The following CLVS2 variants were observed in gnomAD, a reference collection of about 807,000 sequenced individuals.
The protein encoded by CLVS2 is clavesin 2.
CLVS2 carries 19 observed loss-of-function variants against 29.0 expected under a neutral mutation model. The observed-to-expected ratio is 0.66, with a 90% confidence interval of 0.46 to 0.96. The LOEUF (loss-of-function observed/expected upper bound fraction) is 0.96. Among genes scored for constraint, CLVS2 ranks in the 40% least tolerant of loss-of-function variants. CLVS2 has a pLI of 0.00. For synonymous variants in CLVS2, 161 were observed against 151.3 expected, an observed-to-expected ratio of 1.06 and a Z score of -0.47; for missense variants, 294 against 404.1, an observed-to-expected ratio of 0.73 and a Z score of 2.34.
Position 123,067,228 on chromosome 6 carries a change from G to A in CLVS2, c.*3467G>A, listed in dbSNP as rs984383842. On this transcript the variant is annotated 3_prime_UTR_variant, in exon 6 of 6. Coordinates refer to ENST00000275162, the MANE Select transcript of CLVS2 (RefSeq NM_001010852.4). ...TGTGAAGCGTCTGTAATATTCCTGA[G>A]GGAAAAGAGGTCCCTCTATTGCATC... 1 of 151,644 alleles carries A rather than the reference G, an allele frequency of 6.6e-6. No homozygotes were observed. Among genetic ancestry groups the A allele is most frequent in the African/African-American group, 2.4e-5 (1 of 41,376 alleles). The allele number at this position is 151,644 out of a possible 1,614,324, so 9.4% of individuals were successfully genotyped here.
intron 3 of CLVS2, among the ~76,000 whole-genome samples, chr6:123,042,453 A>C (rs1044789787): frequency 6.6e-6 from 1 of 152,148 alleles, no homozygotes; most frequent in Admixed American, 6.5e-5. Flanking sequence ...GGGCAGCATG[A>C]GATTTTAATG....
intron 2 of CLVS2, among the ~76,000 whole-genome samples, chr6:123,005,706 C>A (rs541377319): frequency 1.3e-5 from 2 of 152,132 alleles, no homozygotes; most frequent in African/African-American, 4.8e-5. Flanking sequence ...GAAGAAGCTT[C>A]TCTGATCTAA....
intron 5 of CLVS2, among the ~76,000 whole-genome samples, chr6:123,058,343 T>C (rs1284555537): frequency 1.3e-5 from 2 of 152,150 alleles, no homozygotes; most frequent in African/African-American, 4.8e-5. Flanking sequence ...ACATAAGGAT[T>C]TGGAGGCAGC....
intron 5 of CLVS2, 54 bp downstream of exon 5, chr6:123,056,080 C>T (rs12192029): frequency 8.6e-7 from 1 of 1,169,446 alleles, no homozygotes; most frequent in South Asian, 1.3e-5. Context: ...GAGAGGCATC[C>T]TGAGTCAAAC....
At chr6:122,999,226 C>G (rs553513892) in intron 2 of CLVS2, among the ~76,000 whole-genome samples, 1 of 152,098 alleles carries the variant, frequency 6.6e-6, no homozygotes, top group Non-Finnish European at 1.5e-5. Context: ...CTGGAGCCAT[C>G]GTACAAGACA....
At position 123,070,570 on chromosome 6, in the gene CLVS2, C is replaced by T. The variant is rs78218466; in HGVS notation, c.*6809C>T. 1 of 152,066 alleles carries T rather than the reference C, an allele frequency of 6.6e-6. No homozygotes were observed. Among genetic ancestry groups the T allele is most frequent in the African/African-American group, 2.4e-5 (1 of 41,528 alleles). The allele number at this position is 152,066 out of a possible 1,614,324, so 9.4% of individuals were successfully genotyped here. Reference sequence around the variant, plus strand: ...AACTCAGACCATTTTGTTCTCCAAACCCTCTGAAAGAGTAAAAGCCGATGT... The same window carrying T: ...AACTCAGACCATTTTGTTCTCCAAATCCTCTGAAAGAGTAAAAGCCGATGT... On this transcript the variant is annotated 3_prime_UTR_variant, in exon 6 of 6. Coordinates refer to ENST00000275162, the MANE Select transcript of CLVS2 (RefSeq NM_001010852.4).
chr6:123,061,450 A>G (rs929082028), intron 5 of CLVS2, among the ~76,000 whole-genome samples: 2 of 152,206 alleles, frequency 1.3e-5, no homozygotes, highest in African/African-American at 4.8e-5. Flanking sequence ...ACTAAAAAAA[A>G]ATTGGACTAA....
chr6:123,010,758 A>G (rs1181214676), intron 2 of CLVS2, among the ~76,000 whole-genome samples: 1 of 152,068 alleles, frequency 6.6e-6, no homozygotes, highest in Non-Finnish European at 1.5e-5. Context: ...ATGATAAAAT[A>G]TGAAAAAGCG....
At chr6:123,032,271 C>G (rs981621148) in intron 3 of CLVS2, among the ~76,000 whole-genome samples, 2 of 152,024 alleles carry the variant, frequency 1.3e-5, no homozygotes, top group African/African-American at 4.8e-5. Context: ...TGTTTTTCCT[C>G]CAGTTATCTC....
At chr6:123,019,284 C>T (rs150389983) in intron 3 of CLVS2, among the ~76,000 whole-genome samples, 4 of 152,110 alleles carry the variant, frequency 2.6e-5, no homozygotes, top group Non-Finnish European at 5.9e-5. Flanking sequence ...ACAATGATGA[C>T]CCTCTAAAAT....
At chr6:123,033,922 C>T (rs116286590) in intron 3 of CLVS2, among the ~76,000 whole-genome samples, 29 of 152,126 alleles carry the variant, frequency 1.9e-4, no homozygotes, top group African/African-American at 6.7e-4. Context: ...AGACATTTCA[C>T]CAAGGAAGAG....
At chr6:123,058,220 C>T (rs1404996187) in intron 5 of CLVS2, among the ~76,000 whole-genome samples, 1 of 152,066 alleles carries the variant, frequency 6.6e-6, no homozygotes, top group Non-Finnish European at 1.5e-5. Flanking sequence ...GTTAGGTAGT[C>T]TATATATAGT....
rs557471350 is a variant in CLVS2, at chr6:123,067,866, T to G, written c.*4105T>G. 1 of 151,702 alleles carries G rather than the reference T, an allele frequency of 6.6e-6. No homozygotes were observed. The highest frequency in any genetic ancestry group is 1.5e-5 in the Non-Finnish European group (1 of 67,718). The allele number at this position is 151,702 out of a possible 1,614,324, so 9.4% of individuals were successfully genotyped here. Reference sequence around the variant, plus strand: ...GGATTTGTTTTCTTGTTTTTGTCTTTGGTTTTAGTTGAAAAAATAGCTTCC... The same window carrying G: ...GGATTTGTTTTCTTGTTTTTGTCTTGGGTTTTAGTTGAAAAAATAGCTTCC... On this transcript the variant is annotated 3_prime_UTR_variant, in exon 6 of 6. Transcript: ENST00000275162.
At position 122,998,133 on chromosome 6, in the gene CLVS2, T is replaced by G; in HGVS notation, c.356T>G (p.Leu119Arg). The G allele has an allele frequency of 6.2e-7, 1 of 1,613,430 alleles. No individual in the cohort carries two copies. The highest frequency in any genetic ancestry group is 8.5e-7 in the Non-Finnish European group (1 of 1,180,014). ...ANLDHYGRKI[L>R]VLFAANWDQS... ...CTGGACCACTATGGCAGGAAGATTC[T>G]AGTCCTTTTTGCTGCCAATTGGGAT... Residue 119 changes from leucine (L) to arginine (R), a missense_variant, in exon 2 of 6, where the codon CTA becomes CGA. Physicochemically the swap from Leu to Arg is moderately radical, Grantham distance 102. Transcript: ENST00000275162.
At position 123,070,851 on chromosome 6, in the gene CLVS2, A is replaced by C. The variant is rs1312426906; in HGVS notation, c.*7090A>C. On this transcript the variant is annotated 3_prime_UTR_variant, in exon 6 of 6. Transcript: ENST00000275162. The stretch of plus-strand genomic sequence containing the variant: ...CCAGGAACTTGCTAAGCATGCCTCT[A>C]CCTCAGGACTTTCGCATTTCTGTTC... 1 of 151,794 alleles carries C rather than the reference A, an allele frequency of 6.6e-6. No individual in the cohort carries two copies. The highest frequency in any genetic ancestry group is 1.5e-5 in the Non-Finnish European group (1 of 67,930). The allele number at this position is 151,794 out of a possible 1,614,324, so 9.4% of individuals were successfully genotyped here.
chr6:123,041,607 G>A (rs1775235751), intron 3 of CLVS2, among the ~76,000 whole-genome samples: 2 of 152,200 alleles, frequency 1.3e-5, no homozygotes, highest in Admixed American at 6.5e-5. Context: ...ACAGTGTTGT[G>A]AAGTCTTCTT....
intron 3 of CLVS2, among the ~76,000 whole-genome samples, chr6:123,044,870 C>G (rs1772457310): frequency 6.6e-6 from 1 of 152,046 alleles, no homozygotes; most frequent in African/African-American, 2.4e-5. Flanking sequence ...TAACTTTTCC[C>G]TTTGGCTTAG....
chr6:123,054,053 C>G (rs1772655244), intron 4 of CLVS2, among the ~76,000 whole-genome samples: 1 of 151,996 alleles, frequency 6.6e-6, no homozygotes, highest in East Asian at 1.9e-4. Context: ...AAGGAGGCAA[C>G]AGAGTGTTAG....
At chr6:123,033,989 T>C (rs1328507882) in intron 3 of CLVS2, among the ~76,000 whole-genome samples, 1 of 152,114 alleles carries the variant, frequency 6.6e-6, no homozygotes, top group African/African-American at 2.4e-5. Flanking sequence ...CATTAGGGAA[T>C]GTAATTAAAA....
Sources: allele counts gnomAD v4.1 joint callset (sites outside exome capture counted in the v4.1 genomes callset), GRCh38; gene constraint gnomAD v4.1.1; transcripts MANE v1.5; gene names NCBI Gene and HGNC (gene_info 2026-07-23, HGNC 2026-07-21).